DMXL2: variants seen among roughly 807,000 people sequenced by gnomAD.
The protein encoded by DMXL2 is Dmx like 2, also known as dmX-like protein 2.
DMXL2 carries 103 observed loss-of-function variants against 331.1 expected under a neutral mutation model. The observed-to-expected ratio is 0.31, with a 90% confidence interval of 0.27 to 0.37. DMXL2 has a LOEUF of 0.37. Among genes scored for constraint, DMXL2 ranks in the 10% least tolerant of loss-of-function variants. DMXL2 has a pLI of 1.00. For synonymous variants in DMXL2, 1,281 were observed against 1,252.1 expected (o/e 1.02, Z -0.49); for missense variants, 3,171 against 3,642.9 (o/e 0.87, Z 3.33).
chr15:51,557,180 T>G (rs1400190169), intron 6 of DMXL2, among the ~76,000 whole-genome samples: 1 of 152,194 alleles, frequency 6.6e-6, no homozygotes. Context: ...TTAGAATTAA[T>G]GAGTTTAGTA....
intron 29 of DMXL2, among the ~76,000 whole-genome samples, chr15:51,466,907 T>A (rs2040632661): frequency 6.6e-6 from 1 of 152,020 alleles, no homozygotes; most frequent in Non-Finnish European, 1.5e-5. Context: ...AAATCCCATT[T>A]TTTTTAGTGG....
chr15:51,570,461 C>T lies in DMXL2; in HGVS notation c.214-1903G>A, dbSNP rs565154476. Among the ~76,000 whole-genome samples, 79 of 152,112 alleles carry T rather than the reference C, an allele frequency of 5.2e-4. 1 individual carries two copies. The South Asian group carries it at 0.014, about 27-fold the overall frequency. On this transcript the variant is annotated intron_variant, in intron 2 of 43. Coordinates refer to ENST00000560891, the MANE Select transcript of DMXL2 (RefSeq NM_001378457.1). ...CAGAGAACACCACAAAGATATTCCT[C>T]GAGAAGAGCAACCCCAAGACACATA...
rs760618182 is a variant in DMXL2 at position 51,453,585 on chromosome 15, A to G, written c.8661T>C (p.Ser2887=). 3 of 1,613,790 alleles carry G rather than the reference A, an allele frequency of 1.9e-6. No homozygotes were observed. The South Asian group carries it at 3.3e-5, about 18-fold the overall frequency. Residue 2887 remains serine, a synonymous_variant, in exon 41 of 44, where the codon AGT becomes AGC. Transcript: ENST00000560891. The part of the protein sequence containing the change: ...TSDFAFITSS[S]LVATSGHSND... Reference sequence around the variant, plus strand: ...TGGAGTGTCCAGATGTGGCAACTAGACTTGAAGAGGTAATAAATGCAAAGT... The same window carrying G: ...TGGAGTGTCCAGATGTGGCAACTAGGCTTGAAGAGGTAATAAATGCAAAGT...
chr15:51,563,996 A>G, intron 5 of DMXL2, 129 bp downstream of exon 5: 1 of 1,031,912 alleles, frequency 9.7e-7, no homozygotes, highest in Non-Finnish European at 1.4e-6. Flanking sequence ...TTGGTTAGAA[A>G]AAAATCTACT....
At chr15:51,564,983 T>A in intron 4 of DMXL2, 105 bp downstream of exon 4, 1 of 673,232 alleles carries the variant, frequency 1.5e-6, no homozygotes, top group African/African-American at 1.9e-5. Context: ...AAAGAAAATA[T>A]AATACATTGA....
intron 1 of DMXL2, among the ~76,000 whole-genome samples, chr15:51,604,511 T>C (rs1184848342): frequency 6.6e-6 from 1 of 151,994 alleles, no homozygotes; most frequent in Non-Finnish European, 1.5e-5. Flanking sequence ...TTTAAAAAGA[T>C]ACCATTTTAA....
At chr15:51,515,335 G>T (rs903249796) in intron 14 of DMXL2, among the ~76,000 whole-genome samples, 1 of 152,034 alleles carries the variant, frequency 6.6e-6, no homozygotes, top group African/African-American at 2.4e-5. Flanking sequence ...TCAAGAAAAG[G>T]AAGCAGCTAT....
chr15:51,534,734 T>C (rs1209853056), intron 13 of DMXL2, among the ~76,000 whole-genome samples: 1 of 152,210 alleles, frequency 6.6e-6, no homozygotes, highest in Non-Finnish European at 1.5e-5. Context: ...TGTACTTTCC[T>C]GTATCTATAC....
At position 51,622,749 on chromosome 15, in the gene DMXL2, G is replaced by C. The variant is rs2054745010; in HGVS notation, c.-204C>G. ...GCTCCTCGACCGCCGCCGCCGCCCG[G>C]GTCGCCGCTCAGCTGCGGAAATGCC... On this transcript the variant is annotated 5_prime_UTR_variant, in exon 1 of 44. Transcript: ENST00000560891. 1.0e-6 allele frequency: 1 copy of C among 978,486 alleles called. No individual in the cohort carries two copies. The highest frequency in any genetic ancestry group is 1.8e-5 in the South Asian group (1 of 57,084). The allele number at this position is 978,486 out of a possible 1,614,324, so 60.6% of individuals were successfully genotyped here. A position where few individuals can be genotyped will look rare whatever the true frequency, so the allele number is the denominator to read the frequency against.
intron 15 of DMXL2, among the ~76,000 whole-genome samples, chr15:51,512,779 G>A (rs2046832722): frequency 6.7e-6 from 1 of 149,634 alleles, no homozygotes; most frequent in Admixed American, 6.7e-5. Context: ...TGACGCCACT[G>A]CACTCCAGCC....
At chr15:51,579,897 T>C (rs995287121) in intron 1 of DMXL2, among the ~76,000 whole-genome samples, 32 of 152,318 alleles carry the variant, frequency 2.1e-4, no homozygotes, top group African/African-American at 7.5e-4. Flanking sequence ...ATTATCATTA[T>C]CTTCACAGGC....
intron 8 of DMXL2, 90 bp downstream of exon 8, chr15:51,545,493 C>T (rs779359098): frequency 3.4e-4 from 377 of 1,103,984 alleles, no homozygotes; most frequent in Non-Finnish European, 4.5e-4. Context: ...ATTACATGTA[C>T]CATGTGTGCC....
In DMXL2 at chr15:51,502,835, A is replaced by G. The variant is rs1318874052; in HGVS notation, c.2963T>C (p.Val988Ala). 3.5e-5 allele frequency: 57 copies of G among 1,613,984 alleles called. 1 individual carries two copies. Among genetic ancestry groups the G allele is most frequent in the Non-Finnish European group, 4.7e-5 (55 of 1,179,976 alleles). The change falls in exon 17 of 44, where the codon GTT becomes GCT. Residue 988 changes from valine (V) to alanine (A), a missense_variant. Transcript: ENST00000560891. ...TGAAGGCGTTGCTCTTATTACTTCAACTGATTCTGGGAGATCAAGGGGTTG... is the reference window on the plus strand; with the variant it reads ...TGAAGGCGTTGCTCTTATTACTTCAGCTGATTCTGGGAGATCAAGGGGTTG... ...YSQPLDLPESVEVIRATPSAG... is the reference protein window; with the variant it reads ...YSQPLDLPESAEVIRATPSAG...
intron 1 of DMXL2, among the ~76,000 whole-genome samples, chr15:51,598,786 T>C (rs1320147694): frequency 6.6e-6 from 1 of 152,222 alleles, no homozygotes; most frequent in Non-Finnish European, 1.5e-5. Context: ...TCTGATGATG[T>C]TTACTTTGGA....
At chr15:51,586,238 T>C (rs1427331590) in intron 1 of DMXL2, among the ~76,000 whole-genome samples, 1 of 152,170 alleles carries the variant, frequency 6.6e-6, no homozygotes, top group Non-Finnish European at 1.5e-5. Flanking sequence ...TGTGTGGTAA[T>C]CAAAGGGACT....
Position 51,538,297 on chromosome 15 carries a change from G to A in DMXL2, c.1261C>T (p.His421Tyr). Residue 421 changes from histidine (H) to tyrosine (Y), a missense_variant, in exon 10 of 44, where the codon CAT (histidine) becomes TAT (tyrosine). Physicochemically the swap from His to Tyr is moderately conservative, Grantham distance 83. Transcript: ENST00000560891. ...LRKLSDKQVDHENDDADREDE... is the reference protein window; with the variant it reads ...LRKLSDKQVDYENDDADREDE... ...TCTCTATCTGCATCATCATTTTCAT[G>A]ATCTACCTGCTTATCAGAAAGTTTT... 9 of 1,613,624 alleles carry A rather than the reference G, an allele frequency of 5.6e-6. No individual in the cohort carries two copies. Among genetic ancestry groups the A allele is most frequent in the Non-Finnish European group, 7.6e-6 (9 of 1,179,704 alleles).
chr15:51,546,876 G>A (rs2048919714), intron 7 of DMXL2, among the ~76,000 whole-genome samples: 1 of 151,942 alleles, frequency 6.6e-6, no homozygotes, highest in Admixed American at 6.6e-5. Flanking sequence ...ACATTTTCTT[G>A]CTAGGATCTG....
intron 1 of DMXL2, among the ~76,000 whole-genome samples, chr15:51,616,313 T>C (rs2054281519): frequency 6.6e-6 from 1 of 151,726 alleles, no homozygotes; most frequent in Non-Finnish European, 1.5e-5. Context: ...TCAGGAATCA[T>C]GAAATGAGAG....
intron 40 of DMXL2, among the ~76,000 whole-genome samples, chr15:51,454,869 T>C (rs1049647265): frequency 6.6e-6 from 1 of 152,102 alleles, no homozygotes; most frequent in Non-Finnish European, 1.5e-5. Flanking sequence ...GATGAAAGTA[T>C]AATAATAATG....
Sources: allele counts gnomAD v4.1 joint callset (sites outside exome capture counted in the v4.1 genomes callset), GRCh38; gene constraint gnomAD v4.1.1; transcripts MANE v1.5; gene names NCBI Gene and HGNC (gene_info 2026-07-23, HGNC 2026-07-21).